Variants in SOS2 observed in about 807,000 individuals in gnomAD.
The protein encoded by SOS2 is son of sevenless homolog 2.
A neutral mutation model predicts 148.2 loss-of-function variants in SOS2; 65 were observed. The observed-to-expected ratio is 0.44, with a 90% CI of 0.36 to 0.54. The LOEUF is 0.54. SOS2 is among the 20% of genes least tolerant of loss of function. The probability of loss-of-function intolerance (pLI) is 0.00; values close to 1 mark genes in which losing one functional copy is unlikely to be tolerated. For synonymous variants in SOS2, 539 were observed against 537.1 expected (o/e 1.00, Z -0.05); for missense variants, 1,341 against 1,590.2 (o/e 0.84, Z 2.67).
chr14:50,156,304 C>G (rs1884819163), intron 12 of SOS2: 1 of 151,180 alleles, frequency 6.6e-6, no homozygotes, highest in African/African-American at 2.5e-5. Flanking sequence ...AGACATGAGT[C>G]TGAATCTTGT....
intron 1 of SOS2, among the ~76,000 whole-genome samples, chr14:50,209,273 T>TTGTGTGTGTGTGTG (rs1886779592): frequency 1.6e-5 from 1 of 63,484 alleles, no homozygotes; most frequent in Non-Finnish European, 4.3e-5. Context: ...TCCTTAAATG[T>TTGTGTGTGTGTGTG]CGTGTGTGTG....
intron 4 of SOS2, among the ~76,000 whole-genome samples, chr14:50,195,921 G>A (rs1886297478): frequency 6.6e-6 from 1 of 151,938 alleles, no homozygotes. Flanking sequence ...CAGCTACCTG[G>A]GAGGCTGAGG....
chr14:50,144,317 T>C (rs1373120495), intron 16 of SOS2, among the ~76,000 whole-genome samples: 2 of 152,102 alleles, frequency 1.3e-5, no homozygotes, highest in African/African-American at 4.8e-5. Flanking sequence ...TAAAAATCTA[T>C]GCACAATGTA....
intron 7 of SOS2, among the ~76,000 whole-genome samples, chr14:50,175,428 CTT>C (rs71441277): frequency 9.9e-4 from 119 of 119,814 alleles, no homozygotes; most frequent in East Asian, 3.8e-3. Context: ...AGGAGTAATA[CTT>C]TTTTTTTTTT....
chr14:50,191,935 G>A lies in SOS2; in HGVS notation c.511-3235C>T, dbSNP rs1048782569. On this transcript the variant is annotated intron_variant, in intron 4 of 22. Coordinates refer to ENST00000216373, the MANE Select transcript of SOS2 (RefSeq NM_006939.4). ...CAGTCTGAAACTGGGAGGATTGCTTGAGCCCAGGAGTTCAAGACCAGCCTG... is the reference window on the plus strand; with the variant it reads ...CAGTCTGAAACTGGGAGGATTGCTTAAGCCCAGGAGTTCAAGACCAGCCTG... Among the ~76,000 whole-genome samples the A allele has an allele frequency of 5.3e-5, 8 of 152,152 alleles. No individual in the cohort carries two copies. In the East Asian group the frequency reaches 1.5e-3, roughly 29 times the overall value.
rs1359965021 is a variant in SOS2, at chr14:50,204,428, A to C, written c.88-19T>G. 1 of 1,487,168 alleles carries C rather than the reference A, an allele frequency of 6.7e-7. No homozygotes were observed. The highest frequency in any genetic ancestry group is 1.4e-5 in the African/African-American group (1 of 71,364). The allele number at this position is 1,487,168 out of a possible 1,614,324, so 92.1% of individuals were successfully genotyped here. ...CCTGAACCTTTAAAAAAAAGTTATC[A>C]GTTAAAGTAATGGCAAAATAATATA... On this transcript the variant is annotated intron_variant, in intron 1 of 22. Transcript: ENST00000216373.
chr14:50,205,631 T>G (rs955076214), intron 1 of SOS2, among the ~76,000 whole-genome samples: 1 of 152,098 alleles, frequency 6.6e-6, no homozygotes, highest in African/African-American at 2.4e-5. Flanking sequence ...CTGAACAAAA[T>G]GAGAGTTTTA....
intron 18 of SOS2, among the ~76,000 whole-genome samples, chr14:50,136,106 T>A (rs1279554144): frequency 6.6e-6 from 1 of 152,222 alleles, no homozygotes; most frequent in East Asian, 1.9e-4. Context: ...TATTACTCTT[T>A]TAACAATACT....
intron 18 of SOS2, among the ~76,000 whole-genome samples, chr14:50,137,502 G>T (rs1040694703): frequency 4.6e-5 from 7 of 152,128 alleles, no homozygotes; most frequent in African/African-American, 1.7e-4. Context: ...ACTTTCAAAA[G>T]AAAGTACTTA....
At chr14:50,123,784 T>G (rs12590302) in intron 21 of SOS2, among the ~76,000 whole-genome samples, 136,674 of 152,254 alleles carry the variant, frequency 0.9, 61,535 homozygotes, top group African/African-American at 0.96. Flanking sequence ...GAGAAGATAA[T>G]AAGTCAGGAT....
intron 8 of SOS2, among the ~76,000 whole-genome samples, chr14:50,164,413 C>T (rs1397299740): frequency 6.6e-6 from 1 of 151,818 alleles, no homozygotes; most frequent in Admixed American, 6.6e-5. Context: ...ACACTCCAGT[C>T]TGGGTGACAG....
chr14:50,210,915 G>A (rs1294743709), intron 1 of SOS2, among the ~76,000 whole-genome samples: 1 of 151,994 alleles, frequency 6.6e-6, no homozygotes, highest in Non-Finnish European at 1.5e-5. Flanking sequence ...TGGAGCAATG[G>A]GAACGATCAC....
intron 4 of SOS2, among the ~76,000 whole-genome samples, chr14:50,195,228 T>C (rs1294711438): frequency 6.6e-6 from 1 of 152,148 alleles, no homozygotes; most frequent in Non-Finnish European, 1.5e-5. Context: ...TGCCAAAATA[T>C]TAATGCTGAA....
At chr14:50,207,021 T>G (rs1886683344) in intron 1 of SOS2, among the ~76,000 whole-genome samples, 1 of 152,160 alleles carries the variant, frequency 6.6e-6, no homozygotes. Flanking sequence ...ATGATTTCAA[T>G]CTTTTGAAAT....
At chr14:50,120,493 A>T (rs572568023) in intron 21 of SOS2, 109 bp from the exon 22 acceptor site, 1 of 647,808 alleles carries the variant, frequency 1.5e-6, no homozygotes, top group South Asian at 1.8e-5. Flanking sequence ...TGTATCAACT[A>T]TTGGTTTATC....
intron 7 of SOS2, among the ~76,000 whole-genome samples, chr14:50,179,922 T>G (rs1489687497): frequency 6.6e-6 from 1 of 152,158 alleles, no homozygotes; most frequent in Non-Finnish European, 1.5e-5. Context: ...TTATCTCAAC[T>G]TTTTAAGATT....
Position 50,159,987 on chromosome 14 carries a change from G to C in SOS2, c.1296C>G (p.Gly432=). 6.2e-7 allele frequency: 1 copy of C among 1,613,838 alleles called. No homozygotes were observed. The highest frequency in any genetic ancestry group is 8.5e-7 in the Non-Finnish European group (1 of 1,179,920). ...CATTACAACACTGTCCAATATCTTT[G>C]CCTTCCCATCCATCGATATTTTTCT... ...EIQKNIDGWE[G]KDIGQCCNEF... is the part of the protein sequence containing the mutation. The change falls in exon 10 of 23, where the codon GGC becomes GGG. Residue 432 remains glycine, a synonymous_variant. Coordinates refer to ENST00000216373, the MANE Select transcript of SOS2 (RefSeq NM_006939.4).
In SOS2 at chr14:50,159,703, T is replaced by C. The variant is rs1433428863; in HGVS notation, c.1580A>G (p.Lys527Arg). Residue 527 changes from lysine to arginine, a missense_variant, in exon 10 of 23, where the codon AAG (lysine) becomes AGG (arginine). Transcript: ENST00000216373. The stretch of plus-strand genomic sequence containing the variant: ...CCAGTTGTTTTTTTCTTCAGCAGAC[T>C]TAGCAGCAAATATTATGCTGTTCTC... ...KDENSIIFAA[K>R]SAEEKNNWMA... The C allele has an allele frequency of 6.2e-6, 10 of 1,614,108 alleles. No individual in the cohort carries two copies. Among genetic ancestry groups the C allele is most frequent in the Non-Finnish European group, 8.5e-6 (10 of 1,179,996 alleles).
Position 50,159,189 on chromosome 14 carries a change from C to CA in SOS2, c.1852+241dup, listed in dbSNP as rs567368640. 7.1e-3 allele frequency among the ~76,000 whole-genome samples: 981 copies of CA among 137,268 alleles called. 10 individuals carry two copies. Among genetic ancestry groups the CA allele is most frequent in the African/African-American group, 0.023 (855 of 37,442 alleles). 90.1% of individuals were successfully genotyped at this position (137,268 alleles called of 152,430 possible). On this transcript the variant is annotated intron_variant, in intron 10 of 22. Transcript: ENST00000216373. ...TGGGCAACAGAGCAAGACTCTGTCT[C>CA]AAAAAAAAAAAATTCATGAATATGC... is the stretch of plus-strand genomic sequence containing the variant.
Sources: gnomAD v4.1 joint callset for allele counts (sites outside exome capture counted in the v4.1 genomes callset) on GRCh38, gnomAD v4.1.1 for gene constraint, MANE v1.5 for transcripts, NCBI Gene and HGNC (gene_info 2026-07-23, HGNC 2026-07-21) for gene names.